The following NFATC2 variants were observed in gnomAD, a reference collection of about 807,000 sequenced individuals.
NFATC2 encodes the protein nuclear factor of activated T cells 2.
Under a neutral mutation model 87.3 loss-of-function variants are expected in NFATC2, and 22 were observed. The ratio of observed to expected loss-of-function variants is 0.25; its 90% CI spans 0.18 to 0.36. The LOEUF (loss-of-function observed/expected upper bound fraction) is 0.36, where lower values mean the gene tolerates loss of function less well. Among genes scored for constraint, NFATC2 ranks in the 10% least tolerant of loss-of-function variants. The pLI, the probability that NFATC2 is intolerant of heterozygous loss-of-function variation, is 1.00. For missense variants in NFATC2, 1,149 were observed against 1,259.1 expected, an observed-to-expected ratio of 0.91 and a Z score of 1.32; for synonymous variants, 565 against 542.2, an observed-to-expected ratio of 1.04 and a Z score of -0.58.
chr20:51,523,455 G>A lies in NFATC2; in HGVS notation c.786C>T (p.Ala262=), dbSNP rs1482777396. 6.2e-7 allele frequency: 1 copy of A among 1,609,578 alleles called. No homozygotes were observed. The highest frequency in any genetic ancestry group is 1.1e-5 in the South Asian group (1 of 90,902). The part of the protein sequence containing the change: ...RRHSCAEALV[A]LPPGASPQRS... ...GCTGGGGTGAGGCTCCGGGCGGCAGGGCAACCAAGGCCTCGGCGCACGAAT... is the reference window on the plus strand; with the variant it reads ...GCTGGGGTGAGGCTCCGGGCGGCAGAGCAACCAAGGCCTCGGCGCACGAAT... Residue 262 remains alanine (A), a synonymous_variant, in exon 2 of 11, where the codon GCC becomes GCT. Transcript: ENST00000371564. This position sits in a 1 kb window ranked among gnomAD's most constrained non-coding sequence, Gnocchi z 6.9.
intron 1 of NFATC2, among the ~76,000 whole-genome samples, chr20:51,536,239 G>C (rs1302975832): frequency 6.6e-6 from 1 of 152,184 alleles, no homozygotes; most frequent in Admixed American, 6.5e-5. Flanking sequence ...CACCGTACAT[G>C]AGACACATCA....
intron 5 of NFATC2, among the ~76,000 whole-genome samples, chr20:51,472,879 C>T (rs1988362529): frequency 6.6e-6 from 1 of 152,096 alleles, no homozygotes; most frequent in Admixed American, 6.5e-5. Context: ...AAGAGATCCA[C>T]CAAAGTGCTG....
intron 5 of NFATC2, among the ~76,000 whole-genome samples, chr20:51,470,131 G>C (rs982272094): frequency 2.0e-5 from 3 of 152,150 alleles, no homozygotes; most frequent in Non-Finnish European, 4.4e-5. Context: ...TCATGGGTAG[G>C]CTTGTTGTTG....
intron 3 of NFATC2, among the ~76,000 whole-genome samples, chr20:51,513,443 C>A (rs966486244): frequency 1.3e-5 from 2 of 152,226 alleles, no homozygotes; most frequent in African/African-American, 2.4e-5. Flanking sequence ...CATGCCACTG[C>A]ACTCCAGCCT....
At chr20:51,544,802 G>A (rs992956429), upstream of NFATC2, among the ~76,000 whole-genome samples, 8 of 152,202 alleles carry the variant, frequency 5.3e-5, no homozygotes, top group African/African-American at 1.2e-4. Context: ...AAGCTCACCA[G>A]ATGCTTCCAA....
intron 9 of NFATC2, among the ~76,000 whole-genome samples, chr20:51,418,755 C>A (rs563965111): frequency 6.6e-6 from 1 of 151,560 alleles, no homozygotes; most frequent in Non-Finnish European, 1.5e-5. Context: ...CTCTGCCTCC[C>A]AGGTTCAAGG....
chr20:51,477,521 A>ATGTG (rs550229417), intron 3 of NFATC2, among the ~76,000 whole-genome samples: 169 of 124,080 alleles, frequency 1.4e-3, no homozygotes, highest in Middle Eastern at 4.2e-3. Flanking sequence ...ATATATACAT[A>ATGTG]TGTGTGTGTG....
rs1265789712 is a variant in NFATC2, at chr20:51,398,808, G to T, written c.2723-78C>A. On this transcript the variant is annotated intron_variant, in intron 9 of 10. Coordinates refer to ENST00000371564, the MANE Select transcript of NFATC2 (RefSeq NM_012340.5). Reference sequence around the variant, plus strand: ...GATCTCTCTTACGCTTCCAACTCATGCCGATATCATCCAAGCCCAGGAGGG... The same window carrying T: ...GATCTCTCTTACGCTTCCAACTCATTCCGATATCATCCAAGCCCAGGAGGG... The T allele has an allele frequency of 6.1e-6, 6 of 988,984 alleles. No homozygotes were observed. In the African/African-American group the frequency reaches 9.6e-5, roughly 16 times the overall value. The allele number at this position is 988,984 out of a possible 1,614,324, so 61.3% of individuals were successfully genotyped here.
intron 9 of NFATC2, among the ~76,000 whole-genome samples, chr20:51,411,413 T>C (rs1362912546): frequency 6.6e-6 from 1 of 151,388 alleles, no homozygotes; most frequent in African/African-American, 2.4e-5. Context: ...GTGTTCTTTA[T>C]CCATGCACAC....
chr20:51,411,689 A>G (rs1393041656), intron 9 of NFATC2, among the ~76,000 whole-genome samples: 2 of 151,886 alleles, frequency 1.3e-5, no homozygotes, highest in African/African-American at 4.8e-5. Flanking sequence ...CACCACGCAC[A>G]GCTAGTTTTT....
At chr20:51,405,394 C>A (rs1988458034) in intron 9 of NFATC2, among the ~76,000 whole-genome samples, 1 of 150,988 alleles carries the variant, frequency 6.6e-6, no homozygotes, top group Admixed American at 6.6e-5. Context: ...CTCGAGTTCC[C>A]AGGGAACTGT....
Position 51,517,042 on chromosome 20 carries a change from A to G in NFATC2, c.1161-87T>C, listed in dbSNP as rs1226194412. The G allele has an allele frequency of 2.2e-5, 29 of 1,307,882 alleles. No individual in the cohort carries two copies. In the South Asian group the frequency reaches 2.9e-4, roughly 13 times the overall value. The allele number at this position is 1,307,882 out of a possible 1,614,324, so 81.0% of individuals were successfully genotyped here. A position where few individuals can be genotyped will look rare whatever the true frequency, so the allele number is the denominator to read the frequency against. ...TAATTGTAAACGGCCCTTTCTGAAA[A>G]TCATGGATACAGTCATGTATTGCTC... On this transcript the variant is annotated intron_variant, in intron 2 of 10. Coordinates refer to ENST00000371564, the MANE Select transcript of NFATC2 (RefSeq NM_012340.5).
intron 1 of NFATC2, among the ~76,000 whole-genome samples, chr20:51,551,405 A>T (rs757075725): frequency 1.3e-4 from 20 of 151,862 alleles, no homozygotes; most frequent in Admixed American, 2.6e-4. Flanking sequence ...TAACATTTTT[A>T]TTTATTTATT....
At chr20:51,447,679 C>A (rs964082879) in intron 6 of NFATC2, among the ~76,000 whole-genome samples, 2 of 152,258 alleles carry the variant, frequency 1.3e-5, no homozygotes, top group African/African-American at 4.8e-5. Context: ...AGGGTTCCCA[C>A]TGAAGTCAGG....
At chr20:51,438,222 G>A (rs1288004868) in intron 6 of NFATC2, among the ~76,000 whole-genome samples, 4 of 152,160 alleles carry the variant, frequency 2.6e-5, no homozygotes, top group African/African-American at 7.2e-5. Context: ...GAGCGTGACT[G>A]TACAGGCCAA....
rs571939369 is a variant in NFATC2, at chr20:51,455,451, C to G, written c.1709-763G>C. Among the ~76,000 whole-genome samples, 5 of 152,030 alleles carry G rather than the reference C, an allele frequency of 3.3e-5. 1 individual carries two copies. The highest frequency in any genetic ancestry group is 1.2e-4 in the African/African-American group (5 of 41,488). ...AGGCTTCTTTAACCCACCCCATCCC[C>G]TCCCAAGAGTTAAAACAGCAGTACC... is the stretch of plus-strand genomic sequence containing the variant. On this transcript the variant is annotated intron_variant, in intron 5 of 10. Transcript: ENST00000371564.
intron 6 of NFATC2, among the ~76,000 whole-genome samples, chr20:51,451,606 G>A (rs918834966): frequency 2.6e-5 from 4 of 152,238 alleles, no homozygotes; most frequent in South Asian, 2.1e-4. Context: ...GGTACTAGGC[G>A]CACAGCAGTA....
chr20:51,522,946 C>G (rs2076472692), intron 2 of NFATC2, 135 bp downstream of exon 2: 1 of 1,266,014 alleles, frequency 7.9e-7, no homozygotes. Flanking sequence ...GTCTCGCAAC[C>G]AGCAAGGGGC....
upstream of NFATC2, among the ~76,000 whole-genome samples, chr20:51,546,151 C>T (rs769616601): frequency 2.0e-5 from 3 of 152,140 alleles, no homozygotes; most frequent in African/African-American, 4.8e-5. Context: ...GAGGCAGGAC[C>T]GTTCAGGACA....
Sources: gnomAD v4.1 joint callset for allele counts (sites outside exome capture counted in the v4.1 genomes callset) on GRCh38, gnomAD v4.1.1 for gene constraint, Gnocchi (gnomAD v3.1) non-coding constraint, MANE v1.5 for transcripts, NCBI Gene and HGNC (gene_info 2026-07-23, HGNC 2026-07-21) for gene names.